SAMD3: variants seen among roughly 807,000 people sequenced by gnomAD.
SAMD3 encodes the protein sterile alpha motif domain-containing protein 3.
In SAMD3, 63 loss-of-function variants were observed where a neutral mutation model predicts 58.5. That is an observed-to-expected ratio of 1.08 (90% CI 0.88 to 1.33). SAMD3 has a LOEUF of 1.33. Ranked by LOEUF, SAMD3 falls within the 40% of genes most tolerant of loss-of-function variation. The probability of loss-of-function intolerance (pLI) is 0.00; values close to 1 mark genes in which losing one functional copy is unlikely to be tolerated. For synonymous variants in SAMD3, 220 were observed against 210.3 expected, an observed-to-expected ratio of 1.05 and a Z score of -0.40; for missense variants, 604 against 608.4, an observed-to-expected ratio of 0.99 and a Z score of 0.08.
intron 2 of SAMD3, among the ~76,000 whole-genome samples, chr6:130,270,294 T>A (rs1332881462): frequency 6.6e-6 from 1 of 152,192 alleles, no homozygotes; most frequent in East Asian, 1.9e-4. Context: ...GGTTTCACCA[T>A]GTTGGCCAGG....
At chr6:130,192,288 T>C (rs1415463929) in intron 5 of SAMD3, among the ~76,000 whole-genome samples, 1 of 152,236 alleles carries the variant, frequency 6.6e-6, no homozygotes, top group Non-Finnish European at 1.5e-5. Flanking sequence ...ACTTGTGTTT[T>C]CTTTTCTTTT....
chr6:130,238,947 C>T (rs775758119), intron 2 of SAMD3, among the ~76,000 whole-genome samples: 2 of 151,978 alleles, frequency 1.3e-5, no homozygotes, highest in African/African-American at 2.4e-5. Context: ...TTAGTAGAGA[C>T]GGGGTTTCAC....
chr6:130,244,945 A>G (rs1053079085), intron 2 of SAMD3, among the ~76,000 whole-genome samples: 1 of 152,134 alleles, frequency 6.6e-6, no homozygotes, highest in Non-Finnish European at 1.5e-5. Flanking sequence ...CTAGGGGAAC[A>G]TTGAAAAGAA....
At chr6:130,258,125 A>G (rs999947143) in intron 2 of SAMD3, among the ~76,000 whole-genome samples, 1 of 152,128 alleles carries the variant, frequency 6.6e-6, no homozygotes, top group African/African-American at 2.4e-5. Flanking sequence ...TGTTTTGACT[A>G]TTATCAATAA....
chr6:130,203,324 ACC>A (rs1794810326), intron 5 of SAMD3, among the ~76,000 whole-genome samples: 1 of 152,206 alleles, frequency 6.6e-6, no homozygotes, highest in Non-Finnish European at 1.5e-5. Context: ...GAAAAGTGAG[ACC>A]TAGTAAGGTT....
intron 10 of SAMD3, 49 bp downstream of exon 10, chr6:130,145,961 T>G: frequency 8.6e-7 from 1 of 1,164,816 alleles, no homozygotes; most frequent in Non-Finnish European, 1.1e-6. Flanking sequence ...TTTCTAGATA[T>G]TCTGATAAAT....
chr6:130,192,689 C>G (rs977466026), intron 5 of SAMD3, among the ~76,000 whole-genome samples: 3 of 152,170 alleles, frequency 2.0e-5, no homozygotes, highest in Admixed American at 6.5e-5. Flanking sequence ...GTTTGGTGGT[C>G]TCTTCACACG....
At chr6:130,263,804 T>A (rs1774230872) in intron 2 of SAMD3, among the ~76,000 whole-genome samples, 1 of 152,114 alleles carries the variant, frequency 6.6e-6, no homozygotes, top group African/African-American at 2.4e-5. Context: ...ACTAGGACCA[T>A]TTAATCGGGG....
At chr6:130,210,893 G>A (rs890865655) in intron 4 of SAMD3, among the ~76,000 whole-genome samples, 4 of 152,226 alleles carry the variant, frequency 2.6e-5, no homozygotes, top group Admixed American at 2.6e-4. Flanking sequence ...GGCTGAGGCA[G>A]GTGGATCACG....
intron 1 of SAMD3, among the ~76,000 whole-genome samples, chr6:130,350,022 C>CCCTT (rs1453581407): frequency 6.6e-6 from 1 of 152,106 alleles, no homozygotes; most frequent in Admixed American, 6.5e-5. Context: ...AATTCAACAG[C>CCCTT]CCTTCATACT....
intron 9 of SAMD3, among the ~76,000 whole-genome samples, chr6:130,153,094 G>A (rs745373369): frequency 6.6e-6 from 1 of 152,124 alleles, no homozygotes; most frequent in South Asian, 2.1e-4. Flanking sequence ...TGTCACACGT[G>A]GTGCTCTGCT....
chr6:130,308,374 T>TATTCTATTC (rs1775993725), intron 2 of SAMD3, among the ~76,000 whole-genome samples: 1 of 118,130 alleles, frequency 8.5e-6, no homozygotes, highest in Admixed American at 8.5e-5. Flanking sequence ...TATTCTATTC[T>TATTCTATTC]ATTCTATTCT....
chr6:130,279,635 C>A (rs1193411959), intron 2 of SAMD3, among the ~76,000 whole-genome samples: 1 of 151,936 alleles, frequency 6.6e-6, no homozygotes, highest in Non-Finnish European at 1.5e-5. Context: ...CAGGCACCTG[C>A]CAGCAGGCCT....
At chr6:130,357,250 G>A (rs188419689) in intron 1 of SAMD3, among the ~76,000 whole-genome samples, 2,968 of 148,962 alleles carry the variant, frequency 0.02, 89 homozygotes, top group African/African-American at 0.067. Flanking sequence ...TCAGCCTCCC[G>A]AGTAGCTGGG....
At position 130,164,144 on chromosome 6, in the gene SAMD3, A is replaced by G. The variant is rs184042088; in HGVS notation, c.823-9119T>C. ...TCTAAAGAAATTGCCATGTTGTTCCAGTATATATTTGATAGAATATTTCAC... is the reference window on the plus strand; with the variant it reads ...TCTAAAGAAATTGCCATGTTGTTCCGGTATATATTTGATAGAATATTTCAC... On this transcript the variant is annotated intron_variant, in intron 8 of 11. Transcript: ENST00000439090. 9.9e-5 allele frequency among the ~76,000 whole-genome samples: 15 copies of G among 151,430 alleles called. No individual in the cohort carries two copies. In the East Asian group the frequency reaches 2.9e-3, roughly 29 times the overall value.
chr6:130,297,624 A>C (rs1407404071), intron 2 of SAMD3, among the ~76,000 whole-genome samples: 1 of 152,218 alleles, frequency 6.6e-6, no homozygotes, highest in East Asian at 1.9e-4. Context: ...GTTGAAATCC[A>C]ATAAGAAGAA....
chr6:130,191,097 T>G (rs1793500915), intron 5 of SAMD3, among the ~76,000 whole-genome samples: 1 of 151,786 alleles, frequency 6.6e-6, no homozygotes, highest in South Asian at 2.1e-4. Flanking sequence ...ATTTTCCAAC[T>G]GTCATATGCA....
At chr6:130,234,910 C>T (rs187229906) in intron 2 of SAMD3, among the ~76,000 whole-genome samples, 82 of 152,258 alleles carry the variant, frequency 5.4e-4, no homozygotes, top group Non-Finnish European at 1.0e-3. Context: ...CCCAGGAGTT[C>T]GAGAACAGTC....
At chr6:130,172,969 TG>T (rs1791382075) in intron 8 of SAMD3, among the ~76,000 whole-genome samples, 2 of 152,354 alleles carry the variant, frequency 1.3e-5, no homozygotes, top group South Asian at 4.1e-4. Flanking sequence ...CTTCAATCTT[TG>T]ATATCCTTTC....
Sources: allele counts gnomAD v4.1 joint callset (sites outside exome capture counted in the v4.1 genomes callset), GRCh38; gene constraint gnomAD v4.1.1; transcripts MANE v1.5; gene names NCBI Gene and HGNC (gene_info 2026-07-23, HGNC 2026-07-21).